SGK1: variants seen among roughly 807,000 people sequenced by gnomAD.
SGK1 encodes serum/glucocorticoid regulated kinase 1.
SGK1 carries 26 observed loss-of-function variants against 64.2 expected under a neutral mutation model. The observed-to-expected ratio is 0.40, with a 90% CI of 0.30 to 0.56. The LOEUF is 0.56. SGK1 is among the 20% of genes least tolerant of loss of function. The pLI, the probability that SGK1 is intolerant of heterozygous loss-of-function variation, is 0.38. For synonymous variants in SGK1, 265 were observed against 239.7 expected (o/e 1.11, Z -0.98); for missense variants, 519 against 645.6 (o/e 0.80, Z 2.12).
Position 134,264,163 on chromosome 6 carries a change from T to A in SGK1, c.70-2015A>T, listed in dbSNP as rs559526997. On this transcript the variant is annotated intron_variant, in intron 1 of 13. Transcript: ENST00000367858. ...AGACAGAGTCTCGCTCTGTTGCCCC[T>A]GGCTGGAGTACAGTGGCGCGATCTC... Among the ~76,000 whole-genome samples the A allele has an allele frequency of 9.3e-3, 1,397 of 150,540 alleles. 7 individuals are homozygous for A. The highest frequency in any genetic ancestry group is 0.039 in the South Asian group (185 of 4,768).
chr6:134,203,009 C>T lies in SGK1; in HGVS notation c.361+4347G>A, dbSNP rs545310049. Among the ~76,000 whole-genome samples the T allele has an allele frequency of 3.9e-5, 6 of 151,942 alleles. No homozygotes were observed. In the South Asian group the frequency reaches 6.2e-4, roughly 16 times the overall value. On this transcript the variant is annotated intron_variant, in intron 3 of 13. Transcript: ENST00000367858. ...CTGTAATGCCAGCTCTTTGGGAGGC[C>T]GAGGTGGGCAGATCACTTGAGGTCA...
intron 2 of SGK1, among the ~76,000 whole-genome samples, chr6:134,251,958 C>T (rs1417438717): frequency 6.6e-6 from 1 of 152,098 alleles, no homozygotes; most frequent in Admixed American, 6.6e-5. Context: ...AGTCTTTCTA[C>T]GTGACCCAGG....
intron 2 of SGK1, among the ~76,000 whole-genome samples, chr6:134,235,696 C>T (rs572857492): frequency 6.6e-6 from 1 of 151,736 alleles, no homozygotes; most frequent in Non-Finnish European, 1.5e-5. Flanking sequence ...CTCAGCCTCT[C>T]GAGTAGCTGG....
At chr6:134,216,845 G>A (rs985545408) in intron 2 of SGK1, among the ~76,000 whole-genome samples, 1 of 152,176 alleles carries the variant, frequency 6.6e-6, no homozygotes, top group African/African-American at 2.4e-5. Context: ...GTGAGGAGGC[G>A]GTAGAAGGGT....
At chr6:134,297,250 T>A in intron 1 of SGK1, 1 of 1,177,292 alleles carries the variant, frequency 8.5e-7, no homozygotes. Context: ...AGCAGCTTCC[T>A]GTAGGTTGCG....
In SGK1 at chr6:134,232,248, G is replaced by A. The variant is rs556387010; in HGVS notation, c.286-24817C>T. Among the ~76,000 whole-genome samples the A allele has an allele frequency of 8.7e-4, 131 of 151,084 alleles. 2 individuals are homozygous for A. The highest frequency in any genetic ancestry group is 3.1e-3 in the African/African-American group (128 of 41,012). ...TAAATTACAAAAATTAGCCAGGCAT[G>A]GTGGCAAGTGCCTGTAATCCCAGCT... On this transcript the variant is annotated intron_variant, in intron 2 of 13. Transcript: ENST00000367858.
chr6:134,288,177 T>C (rs2114777650), intron 1 of SGK1, among the ~76,000 whole-genome samples: 1 of 152,262 alleles, frequency 6.6e-6, no homozygotes, highest in South Asian at 2.1e-4. Context: ...CAGGAGCAAC[T>C]TGGTTATGGT....
intron 2 of SGK1, among the ~76,000 whole-genome samples, chr6:134,212,270 G>T (rs1775904674): frequency 6.6e-6 from 1 of 151,962 alleles, no homozygotes; most frequent in South Asian, 2.1e-4. Flanking sequence ...AGCCAGGCTG[G>T]TCTTGATCTC....
chr6:134,294,915 G>A (rs192032399), intron 1 of SGK1, among the ~76,000 whole-genome samples: 12 of 152,294 alleles, frequency 7.9e-5, no homozygotes, highest in Middle Eastern at 3.4e-3. Flanking sequence ...GAGCATAAAC[G>A]ATATGGTGCC....
intron 1 of SGK1, among the ~76,000 whole-genome samples, chr6:134,315,304 G>A (rs561975448): frequency 1.4e-4 from 21 of 152,296 alleles, no homozygotes; most frequent in Admixed American, 9.8e-4. Flanking sequence ...TAAGGAGAGC[G>A]CAGGGGCAGG....
At chr6:134,239,011 G>A (rs1776405034) in intron 2 of SGK1, among the ~76,000 whole-genome samples, 1 of 152,188 alleles carries the variant, frequency 6.6e-6, no homozygotes, top group Non-Finnish European at 1.5e-5. Context: ...AGATGAAAAT[G>A]GTCAAATATA....
At chr6:134,180,154 G>A in intron 3 of SGK1, 1 of 152,300 alleles carries the variant, frequency 6.6e-6, no homozygotes, top group Non-Finnish European at 1.5e-5. Flanking sequence ...TGGTCTCACT[G>A]TGTTGCCCAG....
At chr6:134,264,410 C>CTCAT in intron 1 of SGK1, among the ~76,000 whole-genome samples, 2 of 152,162 alleles carry the variant, frequency 1.3e-5, no homozygotes, top group South Asian at 4.2e-4. Context: ...TGAGCCACTG[C>CTCAT]GCCTGGCCAT....
chr6:134,306,377 C>T lies in SGK1; in HGVS notation c.69+11015G>A, dbSNP rs151268346. Among the ~76,000 whole-genome samples, 907 of 151,614 alleles carry T rather than the reference C, an allele frequency of 6.0e-3. 16 individuals carry two copies. In the East Asian group the frequency reaches 0.062, roughly 10 times the overall value. ...GGCGGAGGTTGCAGTGAGCCAAGAT[C>T]GCAACACTGCACTCCAGCCTGAGCA... On this transcript the variant is annotated intron_variant, in intron 1 of 13. Transcript: ENST00000367858.
intron 2 of SGK1, among the ~76,000 whole-genome samples, chr6:134,242,092 G>A (rs1776456964): frequency 1.3e-5 from 2 of 152,206 alleles, no homozygotes; most frequent in African/African-American, 4.8e-5. Context: ...GACAAGTGAG[G>A]TTAAAACTGC....
intron 1 of SGK1, among the ~76,000 whole-genome samples, chr6:134,310,437 G>C (rs1777118888): frequency 6.6e-6 from 1 of 152,188 alleles, no homozygotes; most frequent in African/African-American, 2.4e-5. Context: ...AACTCTCTAA[G>C]ACTTAGTGGT....
chr6:134,273,592 CAAAAAAAAAAAA>C (rs58634499), intron 1 of SGK1, among the ~76,000 whole-genome samples: 31 of 16,224 alleles, frequency 1.9e-3, no homozygotes, highest in South Asian at 7.7e-3. Flanking sequence ...GACTCCGTCT[CAAAAAAAAAAAA>C]AAAAAAAAAA....
At chr6:134,313,099 G>A (rs1562282215) in intron 1 of SGK1, among the ~76,000 whole-genome samples, 1 of 152,178 alleles carries the variant, frequency 6.6e-6, no homozygotes, top group African/African-American at 2.4e-5. Flanking sequence ...AATGTGTAAT[G>A]TACTTAAAGC....
chr6:134,206,632 C>T (rs576425373), intron 3 of SGK1, among the ~76,000 whole-genome samples: 11 of 150,938 alleles, frequency 7.3e-5, no homozygotes, highest in East Asian at 2.0e-4. Flanking sequence ...TTTGGGAAGC[C>T]GAGCTCAGCA....
Sources: gnomAD v4.1 joint callset for allele counts (sites outside exome capture counted in the v4.1 genomes callset) on GRCh38, gnomAD v4.1.1 for gene constraint, MANE v1.5 for transcripts, NCBI Gene and HGNC (gene_info 2026-07-23, HGNC 2026-07-21) for gene names.